The following KATNBL1 variants were observed in gnomAD, a reference collection of about 807,000 sequenced individuals.
The protein encoded by KATNBL1 is katanin regulatory subunit B1 like 1.
In KATNBL1, 28 loss-of-function variants were observed where a neutral mutation model predicts 44.7. The ratio of observed to expected loss-of-function variants is 0.63; its 90% CI spans 0.46 to 0.86. The LOEUF is 0.86. Ranked by LOEUF, KATNBL1 falls within the 40% of genes least tolerant of loss-of-function variation. The pLI, the probability that KATNBL1 is intolerant of heterozygous loss-of-function variation, is 0.00. For synonymous variants in KATNBL1, 78 were observed against 114.9 expected, an observed-to-expected ratio of 0.68 and a Z score of 2.06; for missense variants, 272 against 350.7, an observed-to-expected ratio of 0.78 and a Z score of 1.79.
intron 1 of KATNBL1, among the ~76,000 whole-genome samples, chr15:34,176,995 C>A (rs1203302588): frequency 6.6e-6 from 1 of 151,708 alleles, no homozygotes; most frequent in Non-Finnish European, 1.5e-5. Flanking sequence ...AGTGAAGAAT[C>A]TGAAATGGTA....
At chr15:34,198,712 A>G (rs944398602) in intron 1 of KATNBL1, among the ~76,000 whole-genome samples, 5 of 152,264 alleles carry the variant, frequency 3.3e-5, no homozygotes, top group Non-Finnish European at 7.3e-5. Context: ...AGATTCAAAG[A>G]AAGATCACAC....
chr15:34,158,156 A>T (rs1249123170), intron 2 of KATNBL1, among the ~76,000 whole-genome samples: 1 of 152,170 alleles, frequency 6.6e-6, no homozygotes, highest in Non-Finnish European at 1.5e-5. Flanking sequence ...AACTATCTGT[A>T]ACCTGTCATG....
At chr15:34,165,577 A>G (rs987858342) in intron 1 of KATNBL1, among the ~76,000 whole-genome samples, 1 of 152,114 alleles carries the variant, frequency 6.6e-6, no homozygotes, top group Admixed American at 6.5e-5. Context: ...CAGGCGGATC[A>G]CCTGAGGTCA....
rs1889664192 is a variant in KATNBL1, at chr15:34,184,572, G to GTTTTTTTTT, written c.-14-20883_-14-20882insAAAAAAAAA. 1.2e-3 allele frequency among the ~76,000 whole-genome samples: 15 copies of GTTTTTTTTT among 12,340 alleles called. 1 individual carries two copies. Among genetic ancestry groups the GTTTTTTTTT allele is most frequent in the South Asian group, 5.7e-3 (1 of 176 alleles). The allele number at this position is 12,340 out of a possible 152,430, so 8.1% of individuals were successfully genotyped here. A position where few individuals can be genotyped will look rare whatever the true frequency, so the allele number is the denominator to read the frequency against. ...ATTAATACTTCCTGTCTCTCCTAAT[G>GTTTTTTTTT]TTTCTTTTTTTTTTTTTTGAGACAG... On this transcript the variant is annotated intron_variant, in intron 1 of 9. Transcript: ENST00000256544.
chr15:34,147,199 C>T lies in KATNBL1; in HGVS notation c.698+1G>A. The T allele has an allele frequency of 6.4e-7, 1 of 1,558,642 alleles. No homozygotes were observed. The highest frequency in any genetic ancestry group is 1.1e-5 in the South Asian group (1 of 89,866). On this transcript the variant is annotated splice_donor_variant, in intron 7 of 9. Coordinates refer to ENST00000256544, the MANE Select transcript of KATNBL1 (RefSeq NM_024713.3). LOFTEE classifies it high-confidence loss of function. ...GAATCAAGATTCAGATTAGCACTTA[C>T]TCTTCAAATTTGCTTTTAAGTAGTG...
intron 2 of KATNBL1, among the ~76,000 whole-genome samples, chr15:34,161,341 C>T (rs911140313): frequency 6.6e-6 from 1 of 152,168 alleles, no homozygotes. Context: ...CGATTCCTTA[C>T]ACAAGGCCAC....
intron 1 of KATNBL1, among the ~76,000 whole-genome samples, chr15:34,204,227 A>G (rs1239961470): frequency 2.0e-5 from 3 of 152,082 alleles, no homozygotes; most frequent in Non-Finnish European, 2.9e-5. Context: ...AGCCACTGAG[A>G]TTTGGGTGCT....
chr15:34,142,463 T>G, intron 9 of KATNBL1, 92 bp from the exon 10 acceptor site: 1 of 1,398,840 alleles, frequency 7.1e-7, no homozygotes, highest in African/African-American at 1.5e-5. Context: ...TAATTTGCCT[T>G]AGTTTCCTTT....
chr15:34,154,934 A>T, intron 2 of KATNBL1: 1 of 455,880 alleles, frequency 2.2e-6, no homozygotes, highest in South Asian at 2.5e-5. Flanking sequence ...GTCTAAACTA[A>T]TTCTGATAGG....
intron 9 of KATNBL1, among the ~76,000 whole-genome samples, chr15:34,144,075 A>ATT (rs11433715): frequency 1.4e-4 from 21 of 148,004 alleles, no homozygotes; most frequent in Admixed American, 5.4e-4. Context: ...TATCTGAGAA[A>ATT]TTTTTTTTTT....
At chr15:34,207,376 T>C (rs1890323004) in intron 1 of KATNBL1, among the ~76,000 whole-genome samples, 1 of 151,716 alleles carries the variant, frequency 6.6e-6, no homozygotes, top group South Asian at 2.1e-4. Flanking sequence ...GCCCAGCTAA[T>C]TTTTTGTATT....
In KATNBL1 at chr15:34,210,016, TAG is replaced by T. The variant is rs1890397416; in HGVS notation, c.-82_-81del. The T allele has an allele frequency of 6.6e-6, 1 of 151,698 alleles. No homozygotes were observed. The highest frequency in any genetic ancestry group is 6.6e-5 in the Admixed American group (1 of 15,266). 9.4% of individuals were successfully genotyped at this position (151,698 alleles called of 1,614,324 possible). On this transcript the variant is annotated 5_prime_UTR_variant, in exon 1 of 10. It removes the in-frame stop codon of an upstream open reading frame in the 5' UTR. Coordinates refer to ENST00000256544, the MANE Select transcript of KATNBL1 (RefSeq NM_024713.3). ...CGCTGACGACCAGCGCCCGGCAGCC[TAG>T]AGAGTCCCTCGGCTTCTGGGCCGAG...
At chr15:34,195,690 C>CAAAA (rs5811824) in intron 1 of KATNBL1, among the ~76,000 whole-genome samples, 1 of 111,440 alleles carries the variant, frequency 9.0e-6, no homozygotes, top group African/African-American at 3.7e-5. Context: ...GACGCCATCT[C>CAAAA]AAAAAAAAAA....
chr15:34,154,843 G>C (rs1337865193), intron 2 of KATNBL1, 159 bp from the exon 3 acceptor site: 6 of 612,492 alleles, frequency 9.8e-6, no homozygotes, highest in Non-Finnish European at 1.8e-5. Flanking sequence ...CCGGGCATGG[G>C]AGGAGAAGGG....
chr15:34,190,207 G>A (rs536146941), intron 1 of KATNBL1, among the ~76,000 whole-genome samples: 11 of 152,284 alleles, frequency 7.2e-5, no homozygotes, highest in African/African-American at 2.4e-4. Context: ...GCCTCCCAAA[G>A]TGCTGGGATT....
At chr15:34,193,236 C>CAAAA (rs869058713) in intron 1 of KATNBL1, among the ~76,000 whole-genome samples, 1 of 79,182 alleles carries the variant, frequency 1.3e-5, no homozygotes, top group African/African-American at 4.3e-5. Context: ...AAAAAAAAAA[C>CAAAA]AAAAAAAAAA....
intron 1 of KATNBL1, among the ~76,000 whole-genome samples, chr15:34,175,176 T>G (rs1286552105): frequency 6.6e-6 from 1 of 151,558 alleles, no homozygotes; most frequent in Admixed American, 6.6e-5. Flanking sequence ...AATATATATG[T>G]ACATACAGGT....
intron 1 of KATNBL1, among the ~76,000 whole-genome samples, chr15:34,194,635 G>A (rs1321928876): frequency 6.6e-6 from 1 of 152,046 alleles, no homozygotes; most frequent in Non-Finnish European, 1.5e-5. Flanking sequence ...GTGGGGTTGG[G>A]AAGGGAAAGC....
At chr15:34,145,007 T>C (rs1281819762) in intron 9 of KATNBL1, 1 of 870,500 alleles carries the variant, frequency 1.1e-6, no homozygotes, top group Non-Finnish European at 1.4e-6. Flanking sequence ...AAGCATAACA[T>C]TAGCAAAAGT....
Sources: gnomAD v4.1 joint callset for allele counts (sites outside exome capture counted in the v4.1 genomes callset) on GRCh38, gnomAD v4.1.1 for gene constraint, MANE v1.5 for transcripts, NCBI Gene and HGNC (gene_info 2026-07-23, HGNC 2026-07-21) for gene names.